Variants in TBC1D32 observed in about 807,000 individuals in gnomAD.
TBC1D32 encodes the protein TBC1 domain family member 32.
Under a neutral mutation model 170.3 loss-of-function variants are expected in TBC1D32, and 151 were observed. The ratio of observed to expected loss-of-function variants is 0.89; its 90% CI spans 0.78 to 1.01. The LOEUF (loss-of-function observed/expected upper bound fraction) is 1.01. Ranked by LOEUF, TBC1D32 falls within the 50% of genes least tolerant of loss-of-function variation. The pLI, the probability that TBC1D32 is intolerant of heterozygous loss-of-function variation, is 0.00. For missense variants in TBC1D32, 1,464 were observed against 1,457.1 expected (o/e 1.00, Z -0.08); for synonymous variants, 498 against 488.0 (o/e 1.02, Z -0.27).
At chr6:121,202,195 G>C (rs75353234) in intron 22 of TBC1D32, among the ~76,000 whole-genome samples, 4,245 of 149,126 alleles carry the variant, frequency 0.028, 328 homozygotes, top group African/African-American at 0.094. Flanking sequence ...ATTAAGAGTA[G>C]AGTGCACAGA....
At chr6:121,109,047 T>C (rs1349406033) in intron 29 of TBC1D32, among the ~76,000 whole-genome samples, 1 of 152,152 alleles carries the variant, frequency 6.6e-6, no homozygotes, top group Non-Finnish European at 1.5e-5. Context: ...GATTAAGACT[T>C]ATAGTCACAT....
At chr6:121,333,499 T>C (rs1455506143) in intron 1 of TBC1D32, among the ~76,000 whole-genome samples, 1 of 152,136 alleles carries the variant, frequency 6.6e-6, no homozygotes, top group Non-Finnish European at 1.5e-5. Context: ...AAGAAACTAT[T>C]CCAGAGGAAA....
At chr6:121,306,702 G>A (rs1807372270) in intron 5 of TBC1D32, among the ~76,000 whole-genome samples, 2 of 152,106 alleles carry the variant, frequency 1.3e-5, no homozygotes, top group Admixed American at 1.3e-4. Flanking sequence ...ACTACCTGTA[G>A]AATTACTGCA....
intron 15 of TBC1D32, among the ~76,000 whole-genome samples, chr6:121,274,052 A>C (rs1365824521): frequency 6.6e-6 from 1 of 152,034 alleles, no homozygotes; most frequent in Non-Finnish European, 1.5e-5. Context: ...CAAAACAAAA[A>C]AGCCGGGCAT....
At chr6:121,302,749 G>C (rs1053983121) in intron 9 of TBC1D32, among the ~76,000 whole-genome samples, 38 of 151,852 alleles carry the variant, frequency 2.5e-4, no homozygotes, top group African/African-American at 7.0e-4. Context: ...AGGAACAAAG[G>C]GTTCATCTTA....
intron 9 of TBC1D32, among the ~76,000 whole-genome samples, chr6:121,300,507 T>C (rs994368209): frequency 2.6e-5 from 4 of 152,136 alleles, no homozygotes; most frequent in African/African-American, 9.7e-5. Flanking sequence ...AAGGATTTCC[T>C]ATTTAATAAA....
intron 30 of TBC1D32, among the ~76,000 whole-genome samples, chr6:121,092,831 T>A (rs1776974056): frequency 6.6e-6 from 1 of 152,204 alleles, no homozygotes; most frequent in Admixed American, 6.5e-5. Context: ...TCAAATATAG[T>A]CACATTCTGA....
At position 121,080,480 on chromosome 6, in the gene TBC1D32, C is replaced by G. The variant is rs1195589656; in HGVS notation, c.*291G>C. The G allele has an allele frequency of 3.9e-6, 1 of 256,318 alleles. No homozygotes were observed. The highest frequency in any genetic ancestry group is 7.7e-6 in the Non-Finnish European group (1 of 130,360). The allele number at this position is 256,318 out of a possible 1,614,324, so 15.9% of individuals were successfully genotyped here. A position where few individuals can be genotyped will look rare whatever the true frequency, so the allele number is the denominator to read the frequency against. On this transcript the variant is annotated 3_prime_UTR_variant, in exon 32 of 32. Transcript: ENST00000398212. ...CCGCCCACCTCAGACTCCCAAAGTGCTGGGATTACAGGCATGAGCCACCGC... is the reference window on the plus strand; with the variant it reads ...CCGCCCACCTCAGACTCCCAAAGTGGTGGGATTACAGGCATGAGCCACCGC...
chr6:121,147,254 C>T (rs13208328), intron 24 of TBC1D32, among the ~76,000 whole-genome samples: 17,871 of 152,142 alleles, frequency 0.12, 1,444 homozygotes, highest in Non-Finnish European at 0.18. Context: ...CATGTCTTTG[C>T]TATTGTGAAT....
intron 3 of TBC1D32, 85 bp from the exon 4 acceptor site, chr6:121,310,932 GC>G (rs1808096730): frequency 1.3e-6 from 1 of 783,386 alleles, no homozygotes. Flanking sequence ...ATAATTCCAA[GC>G]ACAAAACACA....
intron 17 of TBC1D32, among the ~76,000 whole-genome samples, chr6:121,245,329 C>T (rs946018722): frequency 6.6e-6 from 1 of 152,192 alleles, no homozygotes; most frequent in Admixed American, 6.5e-5. Flanking sequence ...GGCAGCCCTA[C>T]TGGGTGGCTA....
intron 26 of TBC1D32, among the ~76,000 whole-genome samples, chr6:121,119,289 C>T (rs1334873475): frequency 2.0e-5 from 3 of 152,054 alleles, no homozygotes; most frequent in Non-Finnish European, 4.4e-5. Flanking sequence ...AGGTATATGT[C>T]CTATTTTTCC....
intron 25 of TBC1D32, among the ~76,000 whole-genome samples, chr6:121,131,332 T>C (rs1197819635): frequency 6.6e-6 from 1 of 151,616 alleles, no homozygotes; most frequent in Non-Finnish European, 1.5e-5. Context: ...TATAACAATA[T>C]GTCATATTCA....
intron 15 of TBC1D32, among the ~76,000 whole-genome samples, chr6:121,262,683 G>A (rs950552642): frequency 1.3e-5 from 2 of 151,946 alleles, no homozygotes; most frequent in African/African-American, 4.8e-5. Flanking sequence ...CGCCATGTTG[G>A]CCAGGCTGGT....
intron 13 of TBC1D32, among the ~76,000 whole-genome samples, chr6:121,283,306 GA>G (rs932834518): frequency 4.0e-5 from 6 of 151,674 alleles, no homozygotes; most frequent in Non-Finnish European, 5.9e-5. Context: ...AAGTTATTTA[GA>G]ACATTTTTAA....
At chr6:121,255,789 A>G (rs1798924890) in intron 16 of TBC1D32, among the ~76,000 whole-genome samples, 1 of 152,134 alleles carries the variant, frequency 6.6e-6, no homozygotes, top group Admixed American at 6.5e-5. Flanking sequence ...TTACTTTAAA[A>G]TAACTCCCAA....
Position 121,243,061 on chromosome 6 carries a change from C to T in TBC1D32, c.2019-722G>A, listed in dbSNP as rs375299911. On this transcript the variant is annotated intron_variant, in intron 17 of 31. Coordinates refer to ENST00000398212, the MANE Select transcript of TBC1D32 (RefSeq NM_152730.6). Reference sequence around the variant, plus strand: ...CACTTTTTAAAAAATGGAAATACAACTTATAAATTCAAAACCAGCAGAGAA... The same window carrying T: ...CACTTTTTAAAAAATGGAAATACAATTTATAAATTCAAAACCAGCAGAGAA... 2.0e-4 allele frequency among the ~76,000 whole-genome samples: 30 copies of T among 151,568 alleles called. 1 individual carries two copies. The South Asian group carries it at 3.5e-3, about 18-fold the overall frequency.
chr6:121,287,070 A>G (rs1404033187), intron 12 of TBC1D32, among the ~76,000 whole-genome samples: 19 of 152,154 alleles, frequency 1.2e-4, no homozygotes, highest in Admixed American at 9.8e-4. Context: ...AGAGACCATC[A>G]AGGCTAGGAA....
intron 17 of TBC1D32, among the ~76,000 whole-genome samples, chr6:121,245,483 CT>C (rs1458474589): frequency 3.9e-5 from 6 of 152,136 alleles, no homozygotes; most frequent in African/African-American, 1.4e-4. Context: ...GATCTTTCTG[CT>C]GGTGGGAAAT....
Sources: allele counts gnomAD v4.1 joint callset (sites outside exome capture counted in the v4.1 genomes callset), GRCh38; gene constraint gnomAD v4.1.1; transcripts MANE v1.5; gene names NCBI Gene and HGNC (gene_info 2026-07-23, HGNC 2026-07-21).